MMP13: variants seen among roughly 807,000 people sequenced by gnomAD.
The protein encoded by MMP13 is matrix metallopeptidase 13.
MMP13 carries 45 observed loss-of-function variants against 52.1 expected under a neutral mutation model. That is an observed-to-expected ratio of 0.86 (90% CI 0.68 to 1.11). MMP13 has a LOEUF of 1.11. Ranked by LOEUF, MMP13 falls within the 50% of genes least tolerant of loss-of-function variation. The probability of loss-of-function intolerance (pLI) is 0.00; values close to 1 mark genes in which losing one functional copy is unlikely to be tolerated. For synonymous variants in MMP13, 200 were observed against 204.4 expected, an observed-to-expected ratio of 0.98 and a Z score of 0.18; for missense variants, 576 against 583.8, an observed-to-expected ratio of 0.99 and a Z score of 0.14.
intron 4 of MMP13, among the ~76,000 whole-genome samples, chr11:102,953,434 A>G (rs1386722708): frequency 6.6e-6 from 1 of 152,102 alleles, no homozygotes; most frequent in Non-Finnish European, 1.5e-5. Context: ...GAAAAATAAA[A>G]CTCAGCTGTC....
At position 102,955,556 on chromosome 11, in the gene MMP13, C is replaced by T. The variant is rs768025811; in HGVS notation, c.120+30G>A. On this transcript the variant is annotated intron_variant, in intron 1 of 9. Coordinates refer to ENST00000260302, the MANE Select transcript of MMP13 (RefSeq NM_002427.4). This position sits in a 1 kb window ranked among gnomAD's most constrained non-coding sequence, Gnocchi z 4.9. ...AAGGACATTTCTGAGATGTACCAAC[C>T]GCATCATCAGGATTGGCAAGATACT... is the stretch of plus-strand genomic sequence containing the variant. 7 of 1,613,918 alleles carry T rather than the reference C, an allele frequency of 4.3e-6. No homozygotes were observed. The highest frequency in any genetic ancestry group is 3.3e-5 in the Admixed American group (2 of 59,984).
chr11:102,944,037 C>T lies in MMP13; in HGVS notation c.*229G>A, dbSNP rs1230152871. On this transcript the variant is annotated 3_prime_UTR_variant, in exon 10 of 10. Coordinates refer to ENST00000260302, the MANE Select transcript of MMP13 (RefSeq NM_002427.4). ...ATCAACCATTGCTTTTGTACAGCAA[C>T]AAGAATCAGATGCTCTTTAGAGATC... is the stretch of plus-strand genomic sequence containing the variant. 4.1e-6 allele frequency: 2 copies of T among 483,596 alleles called. No homozygotes were observed. Among genetic ancestry groups the T allele is most frequent in the African/African-American group, 3.9e-5 (2 of 51,360 alleles). 30.0% of individuals were successfully genotyped at this position (483,596 alleles called of 1,614,324 possible). A position where few individuals can be genotyped will look rare whatever the true frequency, so the allele number is the denominator to read the frequency against.
At chr11:102,947,770 T>C in intron 8 of MMP13, 121 bp downstream of exon 8, 1 of 1,154,016 alleles carries the variant, frequency 8.7e-7, no homozygotes, top group Non-Finnish European at 1.3e-6. Flanking sequence ...TGACATGGAA[T>C]GAAAATGAAT....
intron 8 of MMP13, among the ~76,000 whole-genome samples, chr11:102,947,667 T>TTGTGTGTGTGTGTGTGTGTG: frequency 6.9e-6 from 1 of 144,914 alleles, no homozygotes; most frequent in South Asian, 2.3e-4. Context: ...TGTTTGAGTA[T>TTGTGTGTGTGTGTGTGTGTG]TGTGTGTGTG....
At chr11:102,947,859 C>G (rs1338781825) in intron 8 of MMP13, 32 bp downstream of exon 8, 4 of 1,613,306 alleles carry the variant, frequency 2.5e-6, no homozygotes, top group Non-Finnish European at 3.4e-6. Flanking sequence ...GCGGCTATGA[C>G]ACAGATGGGT....
chr11:102,949,252 T>A lies in MMP13; in HGVS notation c.918-94A>T. 1 of 1,491,642 alleles carries A rather than the reference T, an allele frequency of 6.7e-7. No individual in the cohort carries two copies. Among genetic ancestry groups the A allele is most frequent in the Admixed American group, 1.8e-5 (1 of 54,354 alleles). 92.4% of individuals were successfully genotyped at this position (1,491,642 alleles called of 1,614,324 possible). A position where few individuals can be genotyped will look rare whatever the true frequency, so the allele number is the denominator to read the frequency against. On this transcript the variant is annotated intron_variant, in intron 6 of 9. Transcript: ENST00000260302. The surrounding 1 kb of genome is among the most constrained non-coding windows in gnomAD (Gnocchi z 4.2). The stretch of plus-strand genomic sequence containing the variant: ...CTCTCTCCACATCAACACAGACAAG[T>A]TAGATACAACCAATACCTCCCACCT...
chr11:102,945,737 A>ATCATATTAT lies in MMP13; in HGVS notation c.1223_1224insATAATATGA (p.Thr408_Asn409insTer), dbSNP rs1555016601. 1.3e-6 allele frequency: 2 copies of ATCATATTAT among 1,561,534 alleles called. No individual in the cohort carries two copies. The highest frequency in any genetic ancestry group is 2.7e-5 in the African/African-American group (2 of 73,848). ...GATAGTCTTTATCCATAATATGGTT[A>ATCATATTAT]GTATCATCATATCTATTTAAAGAAA... On this transcript the variant is annotated stop_gained and inframe_insertion, in exon 9 of 10. Transcript: ENST00000260302. LOFTEE classifies it high-confidence loss of function.
In MMP13 at chr11:102,944,120, G is replaced by C. The variant is rs1860454630; in HGVS notation, c.*146C>G. ...GGTTCCAGCCACGCATAGTCATATAGATACTACATATTCAAAGATAACTTA... is the reference window on the plus strand; with the variant it reads ...GGTTCCAGCCACGCATAGTCATATACATACTACATATTCAAAGATAACTTA... On this transcript the variant is annotated 3_prime_UTR_variant, in exon 10 of 10. Coordinates refer to ENST00000260302, the MANE Select transcript of MMP13 (RefSeq NM_002427.4). 1.4e-6 allele frequency: 1 copy of C among 697,008 alleles called. No individual in the cohort carries two copies. Among genetic ancestry groups the C allele is most frequent in the African/African-American group, 1.7e-5 (1 of 57,326 alleles). The allele number at this position is 697,008 out of a possible 1,614,324, so 43.2% of individuals were successfully genotyped here.
rs782443296 is a variant in MMP13, at chr11:102,952,105, G to C, written c.706C>G (p.Pro236Ala). Residue 236 changes from proline to alanine, a missense_variant, in exon 5 of 10, where the codon CCT (proline) becomes GCT (alanine). Pro to Ala is a conservative substitution (Grantham distance 27). Coordinates refer to ENST00000260302, the MANE Select transcript of MMP13 (RefSeq NM_002427.4). The surrounding 1 kb of genome is among the most constrained non-coding windows in gnomAD (Gnocchi z 4.3). ...TAGATAGGAAACATGAGTGCTCCAG[G>C]GTCCTTGGAGTGGTCAAGACCTAAG... ...HSLGLDHSKDPGALMFPIYTY... is the reference protein window; with the variant it reads ...HSLGLDHSKDAGALMFPIYTY... 1.2e-6 allele frequency: 2 copies of C among 1,613,248 alleles called. No homozygotes were observed. Among genetic ancestry groups the C allele is most frequent in the South Asian group, 2.2e-5 (2 of 91,052 alleles).
rs1367278113 is a variant in MMP13, at chr11:102,952,850, G to A, written c.638-677C>T. 1.3e-5 allele frequency among the ~76,000 whole-genome samples: 2 copies of A among 152,042 alleles called. No individual in the cohort carries two copies. Among genetic ancestry groups the A allele is most frequent in the Non-Finnish European group, 2.9e-5 (2 of 67,996 alleles). ...GTCTGCCAATTTTGAGCCTCCTAAT[G>A]CAGGTATTTCAAACTGGAAAAAAGA... On this transcript the variant is annotated intron_variant, in intron 4 of 9. Coordinates refer to ENST00000260302, the MANE Select transcript of MMP13 (RefSeq NM_002427.4). This position sits in a 1 kb window ranked among gnomAD's most constrained non-coding sequence, Gnocchi z 4.3.
At chr11:102,953,317 A>C (rs1169664939) in intron 4 of MMP13, among the ~76,000 whole-genome samples, 4 of 152,172 alleles carry the variant, frequency 2.6e-5, no homozygotes, top group African/African-American at 7.2e-5. Context: ...TAAATATGTA[A>C]ATTTTCACTT....
Position 102,949,982 on chromosome 11 carries a change from T to A in MMP13, c.917+128A>T, listed in dbSNP as rs1565254456. 2 of 791,276 alleles carry A rather than the reference T, an allele frequency of 2.5e-6. No individual in the cohort carries two copies. Among genetic ancestry groups the A allele is most frequent in the East Asian group, 4.9e-5 (2 of 40,466 alleles). The allele number at this position is 791,276 out of a possible 1,614,324, so 49.0% of individuals were successfully genotyped here. ...ATTTATTTGATCTGAAATATGTAAA[T>A]AAACTGCCTGCCCATTTTTACTGCT... On this transcript the variant is annotated intron_variant, in intron 6 of 9. Coordinates refer to ENST00000260302, the MANE Select transcript of MMP13 (RefSeq NM_002427.4). This position sits in a 1 kb window ranked among gnomAD's most constrained non-coding sequence, Gnocchi z 4.2.
intron 8 of MMP13, among the ~76,000 whole-genome samples, chr11:102,946,702 T>C (rs2134514233): frequency 6.6e-6 from 1 of 152,322 alleles, no homozygotes; most frequent in Middle Eastern, 3.4e-3. Context: ...AAAAACAGCA[T>C]ATCTGAGATG....
rs1245634403 is a variant in MMP13, at chr11:102,955,199, A to C, written c.362+53T>G. 23 of 1,592,114 alleles carry C rather than the reference A, an allele frequency of 1.4e-5. No individual in the cohort carries two copies. Among genetic ancestry groups the C allele is most frequent in the Non-Finnish European group, 1.7e-6 (2 of 1,164,268 alleles). ...AAGGCCTACTTAATATTAGACATTT[A>C]ATACTACAAGAAAAGGCTAACAAAT... is the stretch of plus-strand genomic sequence containing the variant. On this transcript the variant is annotated intron_variant, in intron 2 of 9. Coordinates refer to ENST00000260302, the MANE Select transcript of MMP13 (RefSeq NM_002427.4). This position sits in a 1 kb window ranked among gnomAD's most constrained non-coding sequence, Gnocchi z 4.9.
At chr11:102,946,250 A>G (rs1227542449) in intron 8 of MMP13, among the ~76,000 whole-genome samples, 2 of 152,212 alleles carry the variant, frequency 1.3e-5, no homozygotes, top group Admixed American at 1.3e-4. Flanking sequence ...TTCCCCCTCC[A>G]TAACTGCATA....
rs1383676503 is a variant in MMP13 at position 102,949,118 on chromosome 11, G to A, written c.958C>T (p.Leu320=). ...RLHPQQVDAE[L]FLTKSFWPEL... ...GGCCAAAATGATTTCGTTAAAAACA[G>A]CTCCGCATCAACCTGCTGAGGATGC... Residue 320 remains leucine (L), a synonymous_variant, in exon 7 of 10, where the codon CTG becomes TTG. Transcript: ENST00000260302. The surrounding 1 kb of genome is among the most constrained non-coding windows in gnomAD (Gnocchi z 4.2). The A allele has an allele frequency of 1.9e-6, 3 of 1,613,678 alleles. No individual in the cohort carries two copies. Among genetic ancestry groups the A allele is most frequent in the African/African-American group, 1.3e-5 (1 of 74,866 alleles).
Position 102,954,250 on chromosome 11 carries a change from G to A in MMP13, c.543C>T (p.Pro181=). 1.2e-6 allele frequency: 2 copies of A among 1,613,672 alleles called. No homozygotes were observed. Among genetic ancestry groups the A allele is most frequent in the Non-Finnish European group, 1.7e-6 (2 of 1,179,756 alleles). ...GAAAAGCATGAGCCAGCAGGCCAGA[G>A]GGCCCATCAAATGGGTAGAAGTCGC... The part of the protein sequence containing the change: ...EHGDFYPFDG[P]SGLLAHAFPP... Residue 181 remains proline (P), a synonymous_variant, in exon 4 of 10, where the codon CCC becomes CCT. Transcript: ENST00000260302.
chr11:102,950,383 G>T (rs782602896), intron 5 of MMP13, among the ~76,000 whole-genome samples, 156 bp from the exon 6 acceptor site: 1 of 152,038 alleles, frequency 6.6e-6, no homozygotes, highest in Non-Finnish European at 1.5e-5. Flanking sequence ...TGCAAGTACC[G>T]TGTAATCTTA....
chr11:102,949,496 T>C lies in MMP13; in HGVS notation c.918-338A>G, dbSNP rs1375778570. ...GCCTCCAGAGAGAAGATATGAGTTATATGAACTATGTCTTCCATGGTCTCA... is the reference window on the plus strand; with the variant it reads ...GCCTCCAGAGAGAAGATATGAGTTACATGAACTATGTCTTCCATGGTCTCA... On this transcript the variant is annotated intron_variant, in intron 6 of 9. Transcript: ENST00000260302. This position sits in a 1 kb window ranked among gnomAD's most constrained non-coding sequence, Gnocchi z 4.2. 6.6e-6 allele frequency among the ~76,000 whole-genome samples: 1 copy of C among 152,148 alleles called. No individual in the cohort carries two copies. The highest frequency in any genetic ancestry group is 1.5e-5 in the Non-Finnish European group (1 of 68,026).
Sources: allele counts gnomAD v4.1 joint callset (sites outside exome capture counted in the v4.1 genomes callset), GRCh38; gene constraint gnomAD v4.1.1; non-coding constraint Gnocchi (gnomAD v3.1); transcripts MANE v1.5; gene names NCBI Gene and HGNC (gene_info 2026-07-23, HGNC 2026-07-21).